The following ANKRD36 variants were observed in gnomAD, a reference collection of about 807,000 sequenced individuals.
ANKRD36 encodes ankyrin repeat domain-containing protein 36A.
A neutral mutation model predicts 278.1 loss-of-function variants in ANKRD36; 179 were observed. That is an observed-to-expected ratio of 0.64 (90% CI 0.57 to 0.73). The LOEUF is 0.73. Ranked by LOEUF, ANKRD36 falls within the 30% of genes least tolerant of loss-of-function variation. ANKRD36 has a pLI of 0.00. For synonymous variants in ANKRD36, 320 were observed against 641.1 expected (o/e 0.50, Z 7.57); for missense variants, 1,159 against 1,956.7 (o/e 0.59, Z 7.69).
rs1276747529 is a variant in ANKRD36, at chr2:97,181,582, C to T, written c.1736-16C>T. 1.9e-6 allele frequency: 3 copies of T among 1,603,240 alleles called. No homozygotes were observed. In the African/African-American group the frequency reaches 4.0e-5, roughly 21 times the overall value. ...TATGTACATGTGAGTGATTATGTTT[C>T]CCTTTTGCTTTTCAGTGTCTTCTCA... On this transcript the variant is annotated splice_polypyrimidine_tract_variant and intron_variant, in intron 24 of 75. Transcript: ENST00000420699.
chr2:97,138,343 A>T (rs1227078483), intron 6 of ANKRD36, among the ~76,000 whole-genome samples: 1 of 152,068 alleles, frequency 6.6e-6, no homozygotes, highest in Non-Finnish European at 1.5e-5. Flanking sequence ...CACAATTGCT[A>T]CAAAGAGAAT....
At chr2:97,224,760 A>T (rs1414326844) in intron 66 of ANKRD36, 46 bp from the exon 67 acceptor site, 4 of 887,742 alleles carry the variant, frequency 4.5e-6, no homozygotes, top group Non-Finnish European at 4.8e-6. Flanking sequence ...GCTTTTATCT[A>T]ACTGTTCTGT....
rs184162689 is a variant in ANKRD36 at position 97,187,728 on chromosome 2, G to C, written c.2143+327G>C. 3.1e-4 allele frequency among the ~76,000 whole-genome samples: 47 copies of C among 151,896 alleles called. 1 individual carries two copies. The East Asian group carries it at 9.0e-3, about 29-fold the overall frequency. ...CAGCATGGTTTCACTAAGGTGAAAG[G>C]AGAAAGAGAAGAAGTATAGATTCTA... On this transcript the variant is annotated intron_variant, in intron 32 of 75. Coordinates refer to ENST00000420699, the MANE Select transcript of ANKRD36 (RefSeq NM_001354587.1).
chr2:97,146,119 C>T (rs2044168173), intron 10 of ANKRD36, among the ~76,000 whole-genome samples: 1 of 151,984 alleles, frequency 6.6e-6, no homozygotes, highest in Non-Finnish European at 1.5e-5. Flanking sequence ...CAGATGTGCA[C>T]CACCAACCTG....
At chr2:97,177,196 G>C (rs1458658757) in intron 22 of ANKRD36, among the ~76,000 whole-genome samples, 1 of 151,792 alleles carries the variant, frequency 6.6e-6, no homozygotes, top group Non-Finnish European at 1.5e-5. Context: ...ACAAATGGAA[G>C]AACATTCCAT....
chr2:97,117,358 A>T (rs1480595716), intron 1 of ANKRD36, among the ~76,000 whole-genome samples: 5 of 152,006 alleles, frequency 3.3e-5, no homozygotes, highest in Non-Finnish European at 5.9e-5. Flanking sequence ...TATGAGTAGA[A>T]CTGCCTGTTC....
At position 97,190,943 on chromosome 2, in the gene ANKRD36, A is replaced by T. The variant is rs770454685; in HGVS notation, c.2246-35A>T. ...GTATGGATAACTTTATCATGTTTAT[A>T]TATGAGTGATTATGTATCCCTTTTT... is the stretch of plus-strand genomic sequence containing the variant. On this transcript the variant is annotated intron_variant, in intron 34 of 75. Coordinates refer to ENST00000420699, the MANE Select transcript of ANKRD36 (RefSeq NM_001354587.1). The T allele has an allele frequency of 1.8e-5, 28 of 1,599,676 alleles. 1 individual carries two copies. The highest frequency in any genetic ancestry group is 1.2e-4 in the South Asian group (11 of 90,530).
Position 97,134,213 on chromosome 2 carries a change from C to G in ANKRD36, c.799+7079C>G, listed in dbSNP as rs139947942. 1.4e-4 allele frequency among the ~76,000 whole-genome samples: 21 copies of G among 152,138 alleles called. No homozygotes were observed. In the East Asian group the frequency reaches 4.0e-3, roughly 29 times the overall value. ...AATTTCCAAGATAGTTGAATGTATT[C>G]AATTAAGCTATCCATTGTGCTTTTT... is the stretch of plus-strand genomic sequence containing the variant. On this transcript the variant is annotated intron_variant, in intron 6 of 75. Coordinates refer to ENST00000420699, the MANE Select transcript of ANKRD36 (RefSeq NM_001354587.1).
rs1356185731 is a variant in ANKRD36 at position 97,156,471 on chromosome 2, T to C, written c.1261-1636T>C. Among the ~76,000 whole-genome samples, 8 of 133,666 alleles carry C rather than the reference T, an allele frequency of 6.0e-5. 1 individual carries two copies. The allele number at this position is 133,666 out of a possible 152,430, so 87.7% of individuals were successfully genotyped here. On this transcript the variant is annotated intron_variant, in intron 15 of 75. Transcript: ENST00000420699. Reference sequence around the variant, plus strand: ...CACCTATGAGTGAGAATATGCGGTGTTTGGTTTTTTGTTCTTGCGATAGTT... The same window carrying C: ...CACCTATGAGTGAGAATATGCGGTGCTTGGTTTTTTGTTCTTGCGATAGTT...
At chr2:97,200,896 A>T (rs1159259053) in intron 46 of ANKRD36, among the ~76,000 whole-genome samples, 1 of 151,882 alleles carries the variant, frequency 6.6e-6, no homozygotes, top group Non-Finnish European at 1.5e-5. Context: ...AAACAGACAG[A>T]AAACTGTTCA....
intron 50 of ANKRD36, among the ~76,000 whole-genome samples, chr2:97,205,737 G>A (rs577015795): frequency 2.0e-5 from 3 of 151,530 alleles, no homozygotes; most frequent in African/African-American, 4.8e-5. Flanking sequence ...GTTTGAAATT[G>A]TAAGGGTATA....
At chr2:97,218,991 G>A in intron 64 of ANKRD36, 59 bp from the exon 65 acceptor site, 1 of 1,535,088 alleles carries the variant, frequency 6.5e-7, no homozygotes, top group Non-Finnish European at 8.8e-7. Context: ...CTCCACGAAT[G>A]TATGGTTGGC....
At chr2:97,197,562 C>G (rs1258519649) in intron 42 of ANKRD36, among the ~76,000 whole-genome samples, 2 of 151,864 alleles carry the variant, frequency 1.3e-5, no homozygotes, top group Non-Finnish European at 2.9e-5. Flanking sequence ...TTGGATACAA[C>G]AGCTATTTCA....
At chr2:97,150,511 G>A (rs1168704615) in intron 12 of ANKRD36, among the ~76,000 whole-genome samples, 2 of 150,572 alleles carry the variant, frequency 1.3e-5, no homozygotes, top group South Asian at 4.3e-4. Flanking sequence ...ATGATGGAAT[G>A]TTACAGGTAA....
chr2:97,151,389 G>A (rs2045930227), intron 12 of ANKRD36, among the ~76,000 whole-genome samples: 1 of 152,136 alleles, frequency 6.6e-6, no homozygotes, highest in South Asian at 2.1e-4. Context: ...ACGCTGAATA[G>A]AAGCAACTTG....
intron 42 of ANKRD36, 94 bp from the exon 43 acceptor site, chr2:97,198,369 A>T: frequency 6.5e-7 from 1 of 1,543,588 alleles, no homozygotes. Context: ...TAATACAGGC[A>T]GGAGGACAGA....
chr2:97,201,485 T>C (rs1437829388), intron 46 of ANKRD36, among the ~76,000 whole-genome samples: 1 of 151,960 alleles, frequency 6.6e-6, no homozygotes, highest in Non-Finnish European at 1.5e-5. Flanking sequence ...TGTGGAAATA[T>C]GTCAAAATTG....
intron 64 of ANKRD36, among the ~76,000 whole-genome samples, chr2:97,217,903 C>CT (rs1158371268): frequency 6.6e-6 from 1 of 151,580 alleles, no homozygotes; most frequent in Non-Finnish European, 1.5e-5. Flanking sequence ...GGGGTTTCTG[C>CT]TGAGGAAGCC....
chr2:97,156,878 A>C (rs1183948268), intron 15 of ANKRD36, among the ~76,000 whole-genome samples: 1 of 151,274 alleles, frequency 6.6e-6, no homozygotes, highest in South Asian at 2.1e-4. Context: ...CCTCTCCAGC[A>C]CCTGTTGTTT....
Sources: gnomAD v4.1 joint callset for allele counts (sites outside exome capture counted in the v4.1 genomes callset) on GRCh38, gnomAD v4.1.1 for gene constraint, MANE v1.5 for transcripts, NCBI Gene and HGNC (gene_info 2026-07-23, HGNC 2026-07-21) for gene names.